ACSM2B: variants seen among roughly 807,000 people sequenced by gnomAD.
The protein encoded by ACSM2B is acyl-coenzyme A synthetase ACSM2B, mitochondrial.
Under a neutral mutation model 78.6 loss-of-function variants are expected in ACSM2B, and 58 were observed. The observed-to-expected ratio is 0.74, with a 90% CI of 0.60 to 0.92. The LOEUF (loss-of-function observed/expected upper bound fraction) is 0.92. Among genes scored for constraint, ACSM2B ranks in the 40% least tolerant of loss-of-function variants. The pLI is 0.00. For synonymous variants in ACSM2B, 257 were observed against 256.8 expected (o/e 1.00, Z -0.01); for missense variants, 688 against 711.2 (o/e 0.97, Z 0.37).
At chr16:20,551,067 G>C (rs1320274139) in intron 6 of ACSM2B, among the ~76,000 whole-genome samples, 3 of 152,106 alleles carry the variant, frequency 2.0e-5, no homozygotes, top group African/African-American at 7.2e-5. Flanking sequence ...AGAATATTTT[G>C]AGTAAAAGAA....
At chr16:20,576,100 CT>C (rs1456520025) in intron 1 of ACSM2B, 106 bp downstream of exon 1, 1 of 149,650 alleles carries the variant, frequency 6.7e-6, no homozygotes, top group Non-Finnish European at 1.5e-5. Flanking sequence ...GGAATTTCTG[CT>C]TTTCTGTGAG....
At chr16:20,544,499 T>C (rs2015081693) in intron 10 of ACSM2B, 1 of 825,514 alleles carries the variant, frequency 1.2e-6, no homozygotes, top group Non-Finnish European at 1.5e-6. Context: ...TGCCTCATGG[T>C]ATGCATTCAA....
At chr16:20,571,468 G>A (rs1312672334) in intron 1 of ACSM2B, among the ~76,000 whole-genome samples, 7 of 151,544 alleles carry the variant, frequency 4.6e-5, no homozygotes, top group African/African-American at 1.5e-4. Flanking sequence ...CAGATTTATT[G>A]AGACTTGTTT....
chr16:20,548,838 C>T (rs1198819612), intron 6 of ACSM2B, among the ~76,000 whole-genome samples: 1 of 152,146 alleles, frequency 6.6e-6, no homozygotes, highest in East Asian at 1.9e-4. Context: ...CAGCAGCTGT[C>T]TTGGTTGAGT....
chr16:20,557,461 C>G (rs2015510023), intron 3 of ACSM2B, among the ~76,000 whole-genome samples: 1 of 152,150 alleles, frequency 6.6e-6, no homozygotes, highest in Non-Finnish European at 1.5e-5. Context: ...CTCAACCAAA[C>G]TGAAGCCATC....
In ACSM2B at chr16:20,540,679, G is replaced by C. The variant is rs762066109; in HGVS notation, c.1604C>G (p.Thr535Arg). 26 of 1,614,016 alleles carry C rather than the reference G, an allele frequency of 1.6e-5. No individual in the cohort carries two copies. Among genetic ancestry groups the C allele is most frequent in the Non-Finnish European group, 2.2e-5 (26 of 1,180,002 alleles). ...CTTTCTTGGGTACTTGTATGGGGCT[G>C]TCACTGACTTCACATGCTGCTGCAG... ...KELQQHVKSVTAPYKYPRKIE... is the reference protein window; with the variant it reads ...KELQQHVKSVRAPYKYPRKIE... The change falls in exon 13 of 14, where the codon ACA becomes AGA. Residue 535 changes from threonine (T) to arginine (R), a missense_variant. By Grantham distance (71) the Thr-to-Arg change is moderately conservative (BLOSUM62 -1). Coordinates refer to ENST00000329697, the MANE Select transcript of ACSM2B (RefSeq NM_001105069.2).
At chr16:20,563,622 T>A (rs1199314959) in intron 2 of ACSM2B, among the ~76,000 whole-genome samples, 4 of 151,986 alleles carry the variant, frequency 2.6e-5, no homozygotes, top group Admixed American at 1.3e-4. Context: ...AATTTCTGTT[T>A]GAAAATTTTC....
At chr16:20,566,425 T>C (rs1228383959) in intron 1 of ACSM2B, among the ~76,000 whole-genome samples, 2 of 130,660 alleles carry the variant, frequency 1.5e-5, no homozygotes, top group East Asian at 4.2e-4. Flanking sequence ...ATATGGGTAT[T>C]ATACATTTAT....
intron 4 of ACSM2B, among the ~76,000 whole-genome samples, chr16:20,554,654 G>A (rs766929646): frequency 2.8e-4 from 42 of 152,286 alleles, no homozygotes; most frequent in African/African-American, 9.1e-4. Context: ...ACATGGAAAG[G>A]CCTCTGACCT....
At position 20,536,607 on chromosome 16, in the gene ACSM2B, C is replaced by A. The variant is rs2152129344; in HGVS notation, c.*651G>T. 6.6e-6 allele frequency: 1 copy of A among 152,288 alleles called. No homozygotes were observed. The highest frequency in any genetic ancestry group is 1.9e-4 in the East Asian group (1 of 5,178). The allele number at this position is 152,288 out of a possible 1,614,324, so 9.4% of individuals were successfully genotyped here. A position where few individuals can be genotyped will look rare whatever the true frequency, so the allele number is the denominator to read the frequency against. On this transcript the variant is annotated 3_prime_UTR_variant, in exon 14 of 14. Coordinates refer to ENST00000329697, the MANE Select transcript of ACSM2B (RefSeq NM_001105069.2). ...AAGAAAGTACCACTTCTTTTCCTTT[C>A]ATTTCCTTCTCAAGCTCCAGTTTTA...
chr16:20,567,449 A>T (rs1440752103), intron 1 of ACSM2B, among the ~76,000 whole-genome samples: 2 of 119,652 alleles, frequency 1.7e-5, no homozygotes, highest in Non-Finnish European at 3.2e-5. Flanking sequence ...TATATAGTAT[A>T]TTATTATATA....
Position 20,537,207 on chromosome 16 carries a change from G to A in ACSM2B, c.*51C>T. The stretch of plus-strand genomic sequence containing the variant: ...CATAGTAAGGCCAAGGGCCCAAAGG[G>A]AAAAGAAAGAGAAAGAAGAGGGGAA... On this transcript the variant is annotated 3_prime_UTR_variant, in exon 14 of 14. Transcript: ENST00000329697. 1 of 1,603,430 alleles carries A rather than the reference G, an allele frequency of 6.2e-7. No individual in the cohort carries two copies. Among genetic ancestry groups the A allele is most frequent in the East Asian group, 2.2e-5 (1 of 44,778 alleles).
Position 20,559,351 on chromosome 16 carries a change from G to C in ACSM2B, c.274C>G (p.Gln92Glu), listed in dbSNP as rs2015572030. ...GCTCCCGAGAGGATGTTGGCTGCCT[G>C]CTGGCTGTTTTCACTCAGTTCTCTG... is the stretch of plus-strand genomic sequence containing the variant. ...NFRELSENSQ[Q>E]AANILSGACG... Residue 92 changes from glutamine (Q) to glutamate (E), a missense_variant, in exon 3 of 14, where the codon CAG becomes GAG. Transcript: ENST00000329697. 1.6e-5 allele frequency: 25 copies of C among 1,608,874 alleles called. No homozygotes were observed. The highest frequency in any genetic ancestry group is 2.1e-5 in the Non-Finnish European group (25 of 1,177,368).
intron 6 of ACSM2B, among the ~76,000 whole-genome samples, chr16:20,551,667 A>T (rs1209394371): frequency 6.6e-6 from 1 of 152,056 alleles, no homozygotes; most frequent in Non-Finnish European, 1.5e-5. Context: ...CAGCTAAATT[A>T]TTTTCAAACT....
At position 20,545,582 on chromosome 16, in the gene ACSM2B, C is replaced by G. The variant is rs372457506; in HGVS notation, c.1180-324G>C. Among the ~76,000 whole-genome samples, 1,178 of 152,238 alleles carry G rather than the reference C, an allele frequency of 7.7e-3. 22 individuals are homozygous for G. Among genetic ancestry groups the G allele is most frequent in the South Asian group, 0.036 (171 of 4,814 alleles). ...CTGTGGACTTAGAAATCGGGCAGAT[C>G]AAAACTCAAATTTACTCTGCTACCT... On this transcript the variant is annotated intron_variant, in intron 9 of 13. Transcript: ENST00000329697.
At position 20,546,053 on chromosome 16, in the gene ACSM2B, G is replaced by C. The variant is rs568243683; in HGVS notation, c.1179+341C>G. Reference sequence around the variant, plus strand: ...TGGCATTAATTGAACTGAAAAGATCGTTACCTATATTGTTAAATGATAAAA... The same window carrying C: ...TGGCATTAATTGAACTGAAAAGATCCTTACCTATATTGTTAAATGATAAAA... On this transcript the variant is annotated intron_variant, in intron 9 of 13. Transcript: ENST00000329697. 5.2e-3 allele frequency among the ~76,000 whole-genome samples: 793 copies of C among 151,942 alleles called. 7 individuals carry two copies. Among genetic ancestry groups the C allele is most frequent in the Middle Eastern group, 0.01 (3 of 294 alleles).
chr16:20,557,393 C>G lies in ACSM2B; in HGVS notation c.388+1844G>C, dbSNP rs113843092. Among the ~76,000 whole-genome samples the G allele has an allele frequency of 5.2e-3, 767 of 148,562 alleles. 11 individuals are homozygous for G. The highest frequency in any genetic ancestry group is 0.034 in the South Asian group (160 of 4,702). ...CTCCCTCGCATCTTCTTTGAATAAC[C>G]CTGTTATTAGTTCCCCCCCAATTGC... is the stretch of plus-strand genomic sequence containing the variant. On this transcript the variant is annotated intron_variant, in intron 3 of 13. Coordinates refer to ENST00000329697, the MANE Select transcript of ACSM2B (RefSeq NM_001105069.2).
chr16:20,563,345 TTTTA>T (rs1489725469), intron 2 of ACSM2B, among the ~76,000 whole-genome samples: 1 of 152,174 alleles, frequency 6.6e-6, no homozygotes, highest in African/African-American at 2.4e-5. Flanking sequence ...AATTGCACCT[TTTTA>T]TTCTTGGTTT....
chr16:20,572,169 T>C (rs1235484391), intron 1 of ACSM2B, among the ~76,000 whole-genome samples: 2 of 151,380 alleles, frequency 1.3e-5, no homozygotes, highest in East Asian at 3.9e-4. Flanking sequence ...GTTTTATAGG[T>C]CATGTGAGGT....
Sources: allele counts gnomAD v4.1 joint callset (sites outside exome capture counted in the v4.1 genomes callset), GRCh38; gene constraint gnomAD v4.1.1; transcripts MANE v1.5; gene names NCBI Gene and HGNC (gene_info 2026-07-23, HGNC 2026-07-21).